ZNF571: variants seen among roughly 807,000 people sequenced by gnomAD.
The protein encoded by ZNF571 is zinc finger protein 571.
A neutral mutation model predicts 7.7 loss-of-function variants in ZNF571; 4 were observed. That is an observed-to-expected ratio of 0.52 (90% confidence interval 0.25 to 1.18). The LOEUF is 1.18. Ranked by LOEUF, ZNF571 falls within the 50% of genes most tolerant of loss-of-function variation. ZNF571 has a pLI of 0.14. For missense variants in ZNF571, 704 were observed against 726.9 expected, an observed-to-expected ratio of 0.97 and a Z score of 0.36; for synonymous variants, 251 against 232.4, an observed-to-expected ratio of 1.08 and a Z score of -0.73.
rs1184733018 is a variant in ZNF571 at position 37,566,243 on chromosome 19, A to T, written c.185T>A (p.Ile62Asn). 6.2e-7 allele frequency: 1 copy of T among 1,613,470 alleles called. No homozygotes were observed. The highest frequency in any genetic ancestry group is 1.3e-5 in the African/African-American group (1 of 75,012). ...VTKKLSPEKE[I>N]YEMESLQWEN... is the part of the protein sequence containing the mutation. ...CCACTGGAGTGATTCCATTTCATAA[A>T]TTTCCTTTTCTGGAGATAACTTTTT... The change falls in exon 4 of 4, where the codon ATT (isoleucine) becomes AAT (asparagine). Residue 62 changes from isoleucine to asparagine, a missense_variant. Coordinates refer to ENST00000451802, the MANE Select transcript of ZNF571 (RefSeq NM_016536.5).
chr19:37,588,022 C>T (rs986063072), intron 1 of ZNF571, among the ~76,000 whole-genome samples: 7 of 131,898 alleles, frequency 5.3e-5, no homozygotes, highest in Non-Finnish European at 6.2e-5. Flanking sequence ...ATCACTTGTA[C>T]GCGGGAGGTG....
chr19:37,586,215 A>C (rs2043668510), intron 2 of ZNF571: 1 of 154,520 alleles, frequency 6.5e-6, no homozygotes, highest in Non-Finnish European at 1.4e-5. Context: ...ACCAATTTTC[A>C]AACTTTCACA....
Position 37,564,738 on chromosome 19 carries a change from C to T in ZNF571, c.1690G>A (p.Gly564Arg), listed in dbSNP as rs1194688370. ...TCTGAGCCACGACTAAAGGCCCTCCCACATTCCTTACATTCATAGGGTTTC... is the reference window on the plus strand; with the variant it reads ...TCTGAGCCACGACTAAAGGCCCTCCTACATTCCTTACATTCATAGGGTTTC... ...GEKPYECKEC[G>R]RAFSRGSELT... Residue 564 changes from glycine to arginine, a missense_variant, in exon 4 of 4, where the codon GGG (glycine) becomes AGG (arginine). Transcript: ENST00000451802. 1.4e-5 allele frequency: 22 copies of T among 1,613,548 alleles called. No individual in the cohort carries two copies. Among genetic ancestry groups the T allele is most frequent in the Non-Finnish European group, 1.9e-5 (22 of 1,179,668 alleles).
At chr19:37,572,786 CATA>C (rs2043109522) in intron 3 of ZNF571, among the ~76,000 whole-genome samples, 1 of 152,204 alleles carries the variant, frequency 6.6e-6, no homozygotes, top group South Asian at 2.1e-4. Flanking sequence ...GTTCTTCTAT[CATA>C]ATTTTACTTA....
rs575925049 is a variant in ZNF571, at chr19:37,569,127, A to G, written c.137-2836T>C. ...ACCACCATGCCTGGCTCATTTTTGT[A>G]TTTTTAGTAGAGATAGGCCTTCACC... On this transcript the variant is annotated intron_variant, in intron 3 of 3. Transcript: ENST00000451802. This position sits in a 1 kb window ranked among gnomAD's most constrained non-coding sequence, Gnocchi z 4.4. Among the ~76,000 whole-genome samples the G allele has an allele frequency of 1.3e-5, 2 of 151,982 alleles. No homozygotes were observed. The highest frequency in any genetic ancestry group is 1.3e-4 in the Admixed American group (2 of 15,264).
At chr19:37,582,399 G>A (rs991636360) in intron 3 of ZNF571, among the ~76,000 whole-genome samples, 3 of 152,094 alleles carry the variant, frequency 2.0e-5, no homozygotes, top group Non-Finnish European at 4.4e-5. Flanking sequence ...CCTCTTCCTA[G>A]GTCACAGGTT....
At position 37,573,360 on chromosome 19, in the gene ZNF571, C is replaced by G. The variant is rs181923119; in HGVS notation, c.137-7069G>C. Among the ~76,000 whole-genome samples, 106 of 152,312 alleles carry G rather than the reference C, an allele frequency of 7.0e-4. 1 individual carries two copies. The highest frequency in any genetic ancestry group is 2.1e-3 in the African/African-American group (88 of 41,560). On this transcript the variant is annotated intron_variant, in intron 3 of 3. Coordinates refer to ENST00000451802, the MANE Select transcript of ZNF571 (RefSeq NM_016536.5). Reference sequence around the variant, plus strand: ...TCCACACTCAACCCCAACCCTGACACTGTCTAATTAGGCTTCTCCTGGCAG... The same window carrying G: ...TCCACACTCAACCCCAACCCTGACAGTGTCTAATTAGGCTTCTCCTGGCAG...
chr19:37,578,861 C>T (rs1276135260), intron 3 of ZNF571, among the ~76,000 whole-genome samples: 1 of 152,208 alleles, frequency 6.6e-6, no homozygotes, highest in Non-Finnish European at 1.5e-5. Flanking sequence ...TTCTGTGTTC[C>T]TCTGGGGCAG....
At chr19:37,584,240 T>TA (rs2043581610) in intron 2 of ZNF571, 143 bp from the exon 3 acceptor site, 1 of 1,000,576 alleles carries the variant, frequency 1.0e-6, no homozygotes, top group Non-Finnish European at 1.5e-6. Context: ...ATTAACCTGA[T>TA]TCTCTATCAT....
At chr19:37,578,672 G>A (rs915083672) in intron 3 of ZNF571, among the ~76,000 whole-genome samples, 1 of 151,054 alleles carries the variant, frequency 6.6e-6, no homozygotes, top group Non-Finnish European at 1.5e-5. Flanking sequence ...CCAGCACAGC[G>A]ACCCTGTCCC....
At chr19:37,574,957 C>A (rs2043192839) in intron 3 of ZNF571, among the ~76,000 whole-genome samples, 1 of 152,148 alleles carries the variant, frequency 6.6e-6, no homozygotes, top group South Asian at 2.1e-4. Context: ...AAACTCTTCA[C>A]CCTCAAAAAT....
At chr19:37,573,531 T>A (rs922802016) in intron 3 of ZNF571, among the ~76,000 whole-genome samples, 1 of 152,064 alleles carries the variant, frequency 6.6e-6, no homozygotes, top group Non-Finnish European at 1.5e-5. Context: ...ATCTACTAAT[T>A]GAAAATAAAA....
intron 3 of ZNF571, among the ~76,000 whole-genome samples, chr19:37,577,823 A>G (rs886920718): frequency 6.6e-6 from 1 of 152,202 alleles, no homozygotes; most frequent in Non-Finnish European, 1.5e-5. Flanking sequence ...CAGGGAGAGG[A>G]AACAAAGTCG....
In ZNF571 at chr19:37,565,143, T is replaced by TA. The variant is rs1226646643; in HGVS notation, c.1284dup (p.Ile429TyrfsTer7). The TA allele has an allele frequency of 3.1e-6, 5 of 1,613,334 alleles. No homozygotes were observed. In the African/African-American group the frequency reaches 5.3e-5, roughly 17 times the overall value. On this transcript the variant is annotated frameshift_variant, in exon 4 of 4. Transcript: ENST00000451802. LOFTEE classifies it low-confidence loss of function (END_TRUNC). ...TGTTCACTAAGTTGTTTGCCACAAA[T>TA]AAAGGCCTTTCCACATTCCTTACAT...
Position 37,569,172 on chromosome 19 carries a change from C to T in ZNF571, c.137-2881G>A, listed in dbSNP as rs1268331381. Among the ~76,000 whole-genome samples, 1 of 152,054 alleles carries T rather than the reference C, an allele frequency of 6.6e-6. No homozygotes were observed. The highest frequency in any genetic ancestry group is 1.5e-5 in the Non-Finnish European group (1 of 68,004). Reference sequence around the variant, plus strand: ...TTCACCATATTGGTCAGGCTGGTCTCAAATTCCTGGCCTCAAGTGATCCAC... The same window carrying T: ...TTCACCATATTGGTCAGGCTGGTCTTAAATTCCTGGCCTCAAGTGATCCAC... On this transcript the variant is annotated intron_variant, in intron 3 of 3. Coordinates refer to ENST00000451802, the MANE Select transcript of ZNF571 (RefSeq NM_016536.5). The surrounding 1 kb of genome is among the most constrained non-coding windows in gnomAD (Gnocchi z 4.4).
intron 3 of ZNF571, among the ~76,000 whole-genome samples, chr19:37,573,162 G>A (rs1318008965): frequency 6.6e-6 from 1 of 150,788 alleles, no homozygotes; most frequent in Non-Finnish European, 1.5e-5. Context: ...ACTCTTTATT[G>A]GATGAAAAAC....
rs183118267 is a variant in ZNF571 at position 37,586,631 on chromosome 19, T to C, written c.9+37A>G. 3.2e-3 allele frequency: 5,205 copies of C among 1,612,950 alleles called. 25 individuals are homozygous for C. The highest frequency in any genetic ancestry group is 7.7e-3 in the Admixed American group (460 of 59,896). On this transcript the variant is annotated intron_variant, in intron 2 of 3. Transcript: ENST00000451802. ...CTGGTGTTCACATTACACAACAAAA[T>C]GATTGTACTTCAAGAAGGAAAGAAA... is the stretch of plus-strand genomic sequence containing the variant.
intron 3 of ZNF571, among the ~76,000 whole-genome samples, chr19:37,568,962 CT>C (rs879782657): frequency 1.1e-3 from 167 of 145,268 alleles, no homozygotes; most frequent in Non-Finnish European, 1.2e-3. Flanking sequence ...CCCAAGGCAT[CT>C]TTTTTTTTTT....
chr19:37,587,005 C>T (rs563216839), intron 1 of ZNF571: 5 of 306,550 alleles, frequency 1.6e-5, no homozygotes, highest in Non-Finnish European at 2.4e-5. Context: ...CCCAGGGAGC[C>T]CCCCACCATC....
Sources: allele counts gnomAD v4.1 joint callset (sites outside exome capture counted in the v4.1 genomes callset), GRCh38; gene constraint gnomAD v4.1.1; non-coding constraint Gnocchi (gnomAD v3.1); transcripts MANE v1.5; gene names NCBI Gene and HGNC (gene_info 2026-07-23, HGNC 2026-07-21).